The following CDH18 variants were observed in gnomAD, a reference collection of about 807,000 sequenced individuals.
CDH18 encodes cadherin-18.
CDH18 carries 31 observed loss-of-function variants against 67.9 expected under a neutral mutation model. The observed-to-expected ratio is 0.46, with a 90% CI of 0.34 to 0.62. The LOEUF (loss-of-function observed/expected upper bound fraction) is 0.62, where lower values mean the gene tolerates loss of function less well. CDH18 is among the 20% of genes least tolerant of loss of function. The pLI is 0.01. For synonymous variants in CDH18, 362 were observed against 347.2 expected (o/e 1.04, Z -0.48); for missense variants, 890 against 975.5 (o/e 0.91, Z 1.17).
intron 2 of CDH18, among the ~76,000 whole-genome samples, chr5:20,171,168 G>T (rs1015756733): frequency 6.6e-6 from 1 of 151,914 alleles, no homozygotes; most frequent in Non-Finnish European, 1.5e-5. Flanking sequence ...GAATAGTGCT[G>T]CAATATACAT....
intron 6 of CDH18, among the ~76,000 whole-genome samples, chr5:19,608,643 A>T (rs72739123): frequency 0.057 from 8,722 of 151,854 alleles, 286 homozygotes; most frequent in Non-Finnish European, 0.074. Flanking sequence ...GAATTTTTAG[A>T]GCTTGATCCT....
intron 1 of CDH18, among the ~76,000 whole-genome samples, chr5:20,407,917 C>T (rs1746430216): frequency 6.6e-6 from 1 of 151,956 alleles, no homozygotes; most frequent in South Asian, 2.1e-4. Flanking sequence ...AAAAGACTCT[C>T]TCTGCCTCAA....
rs1311436084 is a variant in CDH18 at position 20,487,388 on chromosome 5, C to CTA, written c.-580+88072_-580+88073dup. On this transcript the variant is annotated intron_variant, in intron 1 of 14. Coordinates refer to the CDH18 transcript ENST00000507958. Reference sequence around the variant, plus strand: ...TATATAAACCTATATATGTATAAACCTATATATATATAGGTTTCAGGATTT... The same window carrying CTA: ...TATATAAACCTATATATGTATAAACCTATATATATATATAGGTTTCAGGATTT... Among the ~76,000 whole-genome samples the CTA allele has an allele frequency of 9.5e-5, 14 of 146,762 alleles. No individual in the cohort carries two copies. The South Asian group carries it at 1.1e-3, about 11-fold the overall frequency.
intron 12 of CDH18, among the ~76,000 whole-genome samples, chr5:19,475,239 G>A (rs146634726): frequency 2.5e-4 from 36 of 143,950 alleles, no homozygotes; most frequent in Non-Finnish European, 4.3e-4. Flanking sequence ...CCTACAGTAA[G>A]CTTACATTCT....
At chr5:20,376,340 G>A (rs1045564643) in intron 1 of CDH18, among the ~76,000 whole-genome samples, 11 of 151,008 alleles carry the variant, frequency 7.3e-5, no homozygotes, top group South Asian at 2.1e-4. Flanking sequence ...TGCCCGCCTC[G>A]GCTTCCCAAA....
intron 2 of CDH18, among the ~76,000 whole-genome samples, chr5:19,840,274 C>CAA (rs770658457): frequency 6.2e-5 from 3 of 48,612 alleles, no homozygotes; most frequent in Non-Finnish European, 9.0e-5. Flanking sequence ...GACTCCGTCT[C>CAA]AAAAAAAAAA....
intron 1 of CDH18, among the ~76,000 whole-genome samples, chr5:20,301,933 T>C (rs2149968868): frequency 6.6e-6 from 1 of 152,146 alleles, no homozygotes; most frequent in Middle Eastern, 3.4e-3. Context: ...TCAACTACTT[T>C]AAAAACTGGC....
intron 1 of CDH18, among the ~76,000 whole-genome samples, chr5:20,541,740 G>A (rs892675350): frequency 2.0e-5 from 3 of 152,256 alleles, no homozygotes; most frequent in Middle Eastern, 3.4e-3. Flanking sequence ...CCTCCTTGGA[G>A]TAACTTTTAA....
intron 1 of CDH18, among the ~76,000 whole-genome samples, chr5:20,407,601 G>C (rs1349626624): frequency 1.3e-5 from 2 of 150,288 alleles, no homozygotes; most frequent in Admixed American, 1.3e-4. Context: ...AAAGAAGAAA[G>C]TAACCTCACT....
intron 2 of CDH18, among the ~76,000 whole-genome samples, chr5:20,202,165 G>C (rs1321494176): frequency 6.6e-6 from 1 of 152,110 alleles, no homozygotes. Context: ...CTTTCCTGGA[G>C]TACCACAGTG....
chr5:19,574,845 C>T (rs562088187), intron 7 of CDH18, among the ~76,000 whole-genome samples: 1 of 152,122 alleles, frequency 6.6e-6, no homozygotes, highest in South Asian at 2.1e-4. Context: ...GGTCGACCAT[C>T]GTGGCTAACA....
chr5:19,755,166 A>G (rs1013621788), intron 3 of CDH18, among the ~76,000 whole-genome samples: 2 of 151,734 alleles, frequency 1.3e-5, no homozygotes, highest in African/African-American at 4.8e-5. Context: ...AGATCATAGC[A>G]GAACTAAATG....
At chr5:19,784,226 TC>T (rs1775453432) in intron 3 of CDH18, among the ~76,000 whole-genome samples, 2 of 152,098 alleles carry the variant, frequency 1.3e-5, no homozygotes, top group Non-Finnish European at 2.9e-5. Context: ...AGGGAAAAAT[TC>T]AAACAGTTTA....
At chr5:20,356,250 G>T (rs974521907) in intron 1 of CDH18, among the ~76,000 whole-genome samples, 8 of 152,158 alleles carry the variant, frequency 5.3e-5, no homozygotes, top group African/African-American at 1.9e-4. Flanking sequence ...GGGCATGGTG[G>T]CAGGTGCCTG....
At chr5:20,544,317 AG>A (rs1327173851) in intron 1 of CDH18, among the ~76,000 whole-genome samples, 1 of 152,102 alleles carries the variant, frequency 6.6e-6, no homozygotes, top group Non-Finnish European at 1.5e-5. Flanking sequence ...GTTTAAAAAA[AG>A]CACACATAAA....
intron 12 of CDH18, among the ~76,000 whole-genome samples, chr5:19,475,817 GT>G (rs1738365949): frequency 6.6e-6 from 1 of 152,030 alleles, no homozygotes; most frequent in Non-Finnish European, 1.5e-5. Flanking sequence ...ATGAATGGTT[GT>G]GAATCAAACA....
At chr5:19,860,738 T>C (rs1784805314) in intron 2 of CDH18, among the ~76,000 whole-genome samples, 1 of 152,030 alleles carries the variant, frequency 6.6e-6, no homozygotes, top group Non-Finnish European at 1.5e-5. Flanking sequence ...TTCTTAATAA[T>C]GATAATTACC....
chr5:19,665,312 G>A (rs1047422563), intron 5 of CDH18, among the ~76,000 whole-genome samples: 2 of 151,878 alleles, frequency 1.3e-5, no homozygotes, highest in African/African-American at 4.8e-5. Context: ...AAGAATAATT[G>A]GGAATAAGTT....
chr5:19,505,760 G>T lies in CDH18; in HGVS notation c.1513-2651C>A, dbSNP rs914343516. On this transcript the variant is annotated intron_variant, in intron 10 of 12. Transcript: ENST00000382275. ...GATTTTTGTATCGATGTTCATCAGGGATATTGGTCTAAAATTCTCTTTTTT... is the reference window on the plus strand; with the variant it reads ...GATTTTTGTATCGATGTTCATCAGGTATATTGGTCTAAAATTCTCTTTTTT... 3.3e-5 allele frequency among the ~76,000 whole-genome samples: 5 copies of T among 152,190 alleles called. No homozygotes were observed. The South Asian group carries it at 1.0e-3, about 32-fold the overall frequency.
Sources: gnomAD v4.1 joint callset for allele counts (sites outside exome capture counted in the v4.1 genomes callset) on GRCh38, gnomAD v4.1.1 for gene constraint, MANE v1.5 for transcripts, NCBI Gene and HGNC (gene_info 2026-07-23, HGNC 2026-07-21) for gene names.